CNGA3: variants seen among roughly 807,000 people sequenced by gnomAD.
CNGA3 encodes the protein cyclic nucleotide gated channel subunit alpha 3.
A neutral mutation model predicts 46.6 loss-of-function variants in CNGA3; 42 were observed. The observed-to-expected ratio is 0.90, with a 90% CI of 0.70 to 1.17. The LOEUF (loss-of-function observed/expected upper bound fraction) is 1.17. CNGA3 is among the 50% of genes most tolerant of loss of function. The probability of loss-of-function intolerance (pLI) is 0.00; values close to 1 mark genes in which losing one functional copy is unlikely to be tolerated. For missense variants in CNGA3, 893 were observed against 890.7 expected (o/e 1.00, Z -0.03); for synonymous variants, 394 against 369.4 (o/e 1.07, Z -0.76).
Position 98,397,327 on chromosome 2 carries a change from C to A in CNGA3, c.*72C>A. ...ACCGTATGTGGCCGCAGCTGTGTGG[C>A]ATGGAACTTGGTCAGGGTTGAATTC... is the stretch of plus-strand genomic sequence containing the variant. On this transcript the variant is annotated 3_prime_UTR_variant, in exon 8 of 8. Coordinates refer to ENST00000272602, the MANE Select transcript of CNGA3 (RefSeq NM_001298.3). 1 of 1,482,858 alleles carries A rather than the reference C, an allele frequency of 6.7e-7. No individual in the cohort carries two copies. The highest frequency in any genetic ancestry group is 9.3e-7 in the Non-Finnish European group (1 of 1,072,958). 91.9% of individuals were successfully genotyped at this position (1,482,858 alleles called of 1,614,324 possible).
intron 5 of CNGA3, 43 bp from the exon 6 acceptor site, chr2:98,389,611 ACAGT>A: frequency 6.5e-7 from 1 of 1,529,686 alleles, no homozygotes. Flanking sequence ...CTCCAAAGCT[ACAGT>A]CTTGGAGCAC....
At chr2:98,346,667 C>A (rs1449794652) in intron 1 of CNGA3, 133 bp downstream of exon 1, 2 of 388,942 alleles carry the variant, frequency 5.1e-6, no homozygotes, top group East Asian at 3.7e-5. Context: ...CTTCCAGGGG[C>A]GGGCGCGGCG....
Position 98,380,768 on chromosome 2 carries a change from T to TG in CNGA3, c.395+421dup, listed in dbSNP as rs35936392. On this transcript the variant is annotated intron_variant, in intron 4 of 7. Coordinates refer to ENST00000272602, the MANE Select transcript of CNGA3 (RefSeq NM_001298.3). ...GCAGGGTCTTTTATAGCAGGAGCCT[T>TG]GGGGGGGTGTCTAAATGGTATCCAC... Among the ~76,000 whole-genome samples the TG allele has an allele frequency of 2.2e-4, 33 of 152,114 alleles. No individual in the cohort carries two copies. In the East Asian group the frequency reaches 4.3e-3, roughly 20 times the overall value.
At chr2:98,354,423 C>T (rs1691835023) in intron 1 of CNGA3, among the ~76,000 whole-genome samples, 1 of 151,066 alleles carries the variant, frequency 6.6e-6, no homozygotes, top group South Asian at 2.1e-4. Flanking sequence ...TATTCAAATC[C>T]TTTGCCTGCT....
chr2:98,397,896 C>G lies in CNGA3; in HGVS notation c.*641C>G, dbSNP rs1214275658. ...TGTGAAGCAAATCCAGACTCCTTGC[C>G]GTTCAGCCACTGTGAAACCAGAATC... is the stretch of plus-strand genomic sequence containing the variant. On this transcript the variant is annotated 3_prime_UTR_variant, in exon 8 of 8. Coordinates refer to ENST00000272602, the MANE Select transcript of CNGA3 (RefSeq NM_001298.3). 1 of 153,492 alleles carries G rather than the reference C, an allele frequency of 6.5e-6. No homozygotes were observed. Among genetic ancestry groups the G allele is most frequent in the Non-Finnish European group, 1.5e-5 (1 of 68,838 alleles). The allele number at this position is 153,492 out of a possible 1,614,324, so 9.5% of individuals were successfully genotyped here. A position where few individuals can be genotyped will look rare whatever the true frequency, so the allele number is the denominator to read the frequency against.
At position 98,397,221 on chromosome 2, in the gene CNGA3, G is replaced by A. The variant is rs755545093; in HGVS notation, c.2051G>A (p.Gly684Glu). 3.0e-5 allele frequency: 49 copies of A among 1,613,832 alleles called. No individual in the cohort carries two copies. The highest frequency in any genetic ancestry group is 1.6e-4 in the Middle Eastern group (1 of 6,084). The change falls in exon 8 of 8, where the codon GGG becomes GAG. Residue 684 changes from glycine (G) to glutamate (E), a missense_variant. Around this residue, in one of 3 missense-constraint regions of CNGA3, gnomAD observed 548 missense variants for 570.8 expected, o/e 0.96. Coordinates refer to ENST00000272602, the MANE Select transcript of CNGA3 (RefSeq NM_001298.3). ...DKPLADGEVP[G>E]DATKTEDKQQ The stretch of plus-strand genomic sequence containing the variant: ...CCCCTGGCTGATGGGGAAGTTCCCG[G>A]GGATGCTACAAAAACAGAGGACAAA...
rs1692978092 is a variant in CNGA3 at position 98,398,573 on chromosome 2, G to A, written c.*1318G>A. Reference sequence around the variant, plus strand: ...TTATGCCTGCATTCATATTTGCACAGGAAAAATAAAGACCTGGATTTAAAA... The same window carrying A: ...TTATGCCTGCATTCATATTTGCACAAGAAAAATAAAGACCTGGATTTAAAA... On this transcript the variant is annotated 3_prime_UTR_variant, in exon 8 of 8. Coordinates refer to ENST00000272602, the MANE Select transcript of CNGA3 (RefSeq NM_001298.3). The A allele has an allele frequency of 6.6e-6, 1 of 151,976 alleles. No individual in the cohort carries two copies. The highest frequency in any genetic ancestry group is 1.5e-5 in the Non-Finnish European group (1 of 68,012). The allele number at this position is 151,976 out of a possible 1,614,324, so 9.4% of individuals were successfully genotyped here.
At chr2:98,376,395 C>T (rs570643399) in intron 2 of CNGA3, among the ~76,000 whole-genome samples, 1 of 151,996 alleles carries the variant, frequency 6.6e-6, no homozygotes, top group African/African-American at 2.4e-5. Context: ...TCACACAGGT[C>T]CTGGTCATGG....
intron 1 of CNGA3, among the ~76,000 whole-genome samples, chr2:98,367,469 C>T (rs935259967): frequency 1.3e-5 from 2 of 152,150 alleles, no homozygotes; most frequent in African/African-American, 2.4e-5. Flanking sequence ...GCGGGGATTA[C>T]GGGCGTGAGC....
intron 1 of CNGA3, chr2:98,350,882 A>T (rs1158083327): frequency 3.3e-5 from 5 of 152,162 alleles, no homozygotes; most frequent in Admixed American, 3.3e-4. Context: ...CCTTCCTGTC[A>T]TGAGAAAGTT....
chr2:98,368,354 T>A (rs59858176), intron 1 of CNGA3, among the ~76,000 whole-genome samples: 431 of 152,362 alleles, frequency 2.8e-3, no homozygotes, highest in African/African-American at 9.9e-3. Context: ...TGGTCTCCAC[T>A]GACATCTGAC....
chr2:98,367,455 A>G (rs1339273854), intron 1 of CNGA3, among the ~76,000 whole-genome samples: 2 of 151,672 alleles, frequency 1.3e-5, no homozygotes, highest in East Asian at 1.9e-4. Context: ...CGGCCTCCCA[A>G]AGTGCGGGGA....
chr2:98,397,025 G>A lies in CNGA3; in HGVS notation c.1855G>A (p.Ala619Thr). The A allele has an allele frequency of 1.9e-6, 3 of 1,613,962 alleles. No individual in the cohort carries two copies. The highest frequency in any genetic ancestry group is 2.5e-6 in the Non-Finnish European group (3 of 1,179,928). ...DNLIDEELAR[A>T]GADPKDLEEK... ...CCTGATCGATGAGGAGCTGGCCAGG[G>A]CGGGCGCGGACCCCAAGGACCTTGA... Residue 619 changes from alanine (A) to threonine (T), a missense_variant, in exon 8 of 8, where the codon GCG becomes ACG. By Grantham distance (58) the Ala-to-Thr change is moderately conservative. This residue lies in a region of CNGA3 where 548 missense variants were observed against 570.8 expected (regional missense o/e 0.96). Transcript: ENST00000272602.
In CNGA3 at chr2:98,380,351, G is replaced by A. The variant is rs1692510937; in HGVS notation, c.392G>A (p.Arg131Lys). Reference sequence around the variant, plus strand: ...AGCCAGGAGCCAGCAGACAGAGGGAGAAGGTAAGGAACGGAAAAGAAGAAG... The same window carrying A: ...AGCCAGGAGCCAGCAGACAGAGGGAAAAGGTAAGGAACGGAAAAGAAGAAG... ...VGSQEPADRG[R>K]SAWPLAKCNT... is the part of the protein sequence containing the mutation. The change falls in exon 4 of 8, where the codon AGA becomes AAA. Residue 131 changes from arginine (R) to lysine (K), a missense_variant. Coordinates refer to ENST00000272602, the MANE Select transcript of CNGA3 (RefSeq NM_001298.3). The A allele has an allele frequency of 6.2e-7, 1 of 1,613,812 alleles. No homozygotes were observed. Among genetic ancestry groups the A allele is most frequent in the Admixed American group, 1.7e-5 (1 of 59,946 alleles).
At chr2:98,373,580 T>C (rs904923968) in intron 2 of CNGA3, among the ~76,000 whole-genome samples, 8 of 152,186 alleles carry the variant, frequency 5.3e-5, no homozygotes, top group African/African-American at 1.9e-4. Flanking sequence ...ATTTTTATAG[T>C]GGAAAGTCAT....
At chr2:98,395,384 G>T (rs770756906) in intron 7 of CNGA3, among the ~76,000 whole-genome samples, 1 of 152,106 alleles carries the variant, frequency 6.6e-6, no homozygotes, top group Non-Finnish European at 1.5e-5. Context: ...TGCCCAGGCT[G>T]GTCTCAAACC....
intron 6 of CNGA3, among the ~76,000 whole-genome samples, chr2:98,390,193 T>A (rs1333861113): frequency 6.6e-6 from 1 of 151,770 alleles, no homozygotes; most frequent in East Asian, 1.9e-4. Context: ...TGGAGTTCAG[T>A]GGCGCGATCT....
At chr2:98,383,965 C>T (rs1168055541) in intron 5 of CNGA3, among the ~76,000 whole-genome samples, 1 of 152,160 alleles carries the variant, frequency 6.6e-6, no homozygotes, top group African/African-American at 2.4e-5. Flanking sequence ...TGACTCGTTG[C>T]AAGCTCCGCC....
chr2:98,378,665 T>G (rs972251601), intron 3 of CNGA3, among the ~76,000 whole-genome samples: 3 of 152,242 alleles, frequency 2.0e-5, no homozygotes, highest in African/African-American at 7.2e-5. Context: ...GTTTGCATTT[T>G]ACTAATAAAG....
Sources: gnomAD v4.1 joint callset for allele counts (sites outside exome capture counted in the v4.1 genomes callset) on GRCh38, gnomAD v4.1.1 for gene constraint, gnomAD v4.1.1 regional missense constraint, MANE v1.5 for transcripts, NCBI Gene and HGNC (gene_info 2026-07-23, HGNC 2026-07-21) for gene names.